Variants in GRIK4 observed in about 807,000 individuals in gnomAD.
The protein encoded by GRIK4 is glutamate ionotropic receptor kainate type subunit 4, also known as glutamate receptor ionotropic, kainate 4.
A neutral mutation model predicts 104.9 loss-of-function variants in GRIK4; 40 were observed. The ratio of observed to expected loss-of-function variants is 0.38; its 90% confidence interval spans 0.30 to 0.50. The LOEUF (loss-of-function observed/expected upper bound fraction) is 0.50. Among genes scored for constraint, GRIK4 ranks in the 20% least tolerant of loss-of-function variants. The probability of loss-of-function intolerance (pLI) is 0.93; values close to 1 mark genes in which losing one functional copy is unlikely to be tolerated. For synonymous variants in GRIK4, 485 were observed against 524.9 expected, an observed-to-expected ratio of 0.92 and a Z score of 1.04; for missense variants, 1,047 against 1,308.1, an observed-to-expected ratio of 0.80 and a Z score of 3.08.
intron 1 of GRIK4, among the ~76,000 whole-genome samples, chr11:120,598,261 C>T (rs986716984): frequency 2.0e-5 from 3 of 152,174 alleles, no homozygotes; most frequent in Non-Finnish European, 4.4e-5. Flanking sequence ...CTCACAGCAG[C>T]GTTATGAAAC....
intron 1 of GRIK4, among the ~76,000 whole-genome samples, chr11:120,641,452 A>C (rs1295441456): frequency 6.6e-6 from 1 of 151,794 alleles, no homozygotes; most frequent in Non-Finnish European, 1.5e-5. Flanking sequence ...GTATATTTAT[A>C]GTTGTTTCTT....
At chr11:120,600,331 T>A (rs1459972428) in intron 1 of GRIK4, among the ~76,000 whole-genome samples, 2 of 151,482 alleles carry the variant, frequency 1.3e-5, no homozygotes, top group East Asian at 1.9e-4. Flanking sequence ...TTTATGGGAG[T>A]TTTTCCCCCC....
chr11:120,534,917 C>T (rs533364034), intron 1 of GRIK4, among the ~76,000 whole-genome samples: 3 of 152,258 alleles, frequency 2.0e-5, no homozygotes, highest in South Asian at 4.1e-4. Context: ...CCCAGCTCTG[C>T]GGAACTTCCT....
chr11:120,675,165 G>T (rs113180745), intron 3 of GRIK4, among the ~76,000 whole-genome samples: 1 of 152,228 alleles, frequency 6.6e-6, no homozygotes, highest in Non-Finnish European at 1.5e-5. Context: ...CCCCTTTGGC[G>T]CTTTCCCTTT....
intron 3 of GRIK4, among the ~76,000 whole-genome samples, chr11:120,661,335 A>G (rs1949811474): frequency 6.6e-6 from 1 of 152,206 alleles, no homozygotes; most frequent in Non-Finnish European, 1.5e-5. Flanking sequence ...GACCCATCCA[A>G]CAGCAGGGCC....
intron 1 of GRIK4, among the ~76,000 whole-genome samples, chr11:120,554,086 AC>A (rs1948165405): frequency 6.6e-6 from 1 of 151,258 alleles, no homozygotes; most frequent in Admixed American, 6.6e-5. Flanking sequence ...ACCCACTCAC[AC>A]CCCCACCCAC....
At chr11:120,575,455 C>A (rs529003493) in intron 1 of GRIK4, among the ~76,000 whole-genome samples, 24 of 152,248 alleles carry the variant, frequency 1.6e-4, no homozygotes, top group African/African-American at 5.8e-4. Context: ...TCTTCCAGGC[C>A]TCCTCCACCC....
chr11:120,888,090 T>C (rs2135720312), intron 11 of GRIK4, among the ~76,000 whole-genome samples: 1 of 152,304 alleles, frequency 6.6e-6, no homozygotes, highest in Non-Finnish European at 1.5e-5. Flanking sequence ...TCTAAATATG[T>C]AACTCAGAAT....
At chr11:120,798,182 T>TG (rs11449868) in intron 3 of GRIK4, among the ~76,000 whole-genome samples, 2 of 141,260 alleles carry the variant, frequency 1.4e-5, no homozygotes, top group South Asian at 4.4e-4. Context: ...TTTTTTTTTT[T>TG]GGAGATGGAG....
intron 11 of GRIK4, among the ~76,000 whole-genome samples, chr11:120,885,094 A>G (rs1955080030): frequency 6.6e-6 from 1 of 152,294 alleles, no homozygotes. Context: ...AAATGAAGCC[A>G]GGCATGGCCT....
At position 120,919,517 on chromosome 11, in the gene GRIK4, T is replaced by C. The variant is rs190315004; in HGVS notation, c.1476+14024T>C. On this transcript the variant is annotated intron_variant, in intron 13 of 20. Coordinates refer to ENST00000527524, the MANE Select transcript of GRIK4 (RefSeq NM_014619.5). ...ATTCTGGGGCCCCATCTAGACCTAC[T>C]TAACCTGAAACTCTGGGGTGGGACT... 3.9e-5 allele frequency among the ~76,000 whole-genome samples: 6 copies of C among 152,310 alleles called. No homozygotes were observed. The East Asian group carries it at 1.2e-3, about 29-fold the overall frequency.
intron 3 of GRIK4, among the ~76,000 whole-genome samples, chr11:120,738,857 A>G (rs1017527561): frequency 6.6e-6 from 1 of 152,130 alleles, no homozygotes; most frequent in African/African-American, 2.4e-5. Flanking sequence ...CATCCTGGTG[A>G]GATGGGGGAG....
At chr11:120,888,146 C>T (rs533064350) in intron 11 of GRIK4, among the ~76,000 whole-genome samples, 1 of 152,304 alleles carries the variant, frequency 6.6e-6, no homozygotes, top group South Asian at 2.1e-4. Flanking sequence ...TATGGGGTCT[C>T]AGGCAGGAAC....
At chr11:120,669,141 T>C (rs1010374559) in intron 3 of GRIK4, among the ~76,000 whole-genome samples, 1 of 152,202 alleles carries the variant, frequency 6.6e-6, no homozygotes, top group Non-Finnish European at 1.5e-5. Context: ...AACTTTCCCT[T>C]CCAAAGCGTG....
chr11:120,967,162 C>T lies in GRIK4; in HGVS notation c.2267-33C>T. 6.3e-7 allele frequency: 1 copy of T among 1,596,296 alleles called. No individual in the cohort carries two copies. The highest frequency in any genetic ancestry group is 8.5e-7 in the Non-Finnish European group (1 of 1,171,224). On this transcript the variant is annotated intron_variant, in intron 18 of 20. Coordinates refer to ENST00000527524, the MANE Select transcript of GRIK4 (RefSeq NM_014619.5). The surrounding 1 kb of genome is among the most constrained non-coding windows in gnomAD (Gnocchi z 4.2). Reference sequence around the variant, plus strand: ...GTGACACCTAACAGGGCATTCACAACCTGTGTCCTGGGCTCTCCCGTAACC... The same window carrying T: ...GTGACACCTAACAGGGCATTCACAATCTGTGTCCTGGGCTCTCCCGTAACC...
At chr11:120,921,820 A>G (rs1943234314) in intron 13 of GRIK4, among the ~76,000 whole-genome samples, 1 of 152,180 alleles carries the variant, frequency 6.6e-6, no homozygotes, top group Non-Finnish European at 1.5e-5. Flanking sequence ...TCCAAGTTGC[A>G]GCGACTCCTT....
At chr11:120,796,507 C>T (rs546602460) in intron 3 of GRIK4, among the ~76,000 whole-genome samples, 3 of 152,060 alleles carry the variant, frequency 2.0e-5, no homozygotes, top group Non-Finnish European at 2.9e-5. Context: ...GGGAGTTTCT[C>T]GGGAAATCCA....
intron 1 of GRIK4, among the ~76,000 whole-genome samples, chr11:120,571,139 C>T (rs998880961): frequency 6.6e-6 from 1 of 152,206 alleles, no homozygotes; most frequent in African/African-American, 2.4e-5. Flanking sequence ...CCTGGGACTT[C>T]CCTTGGCCCC....
chr11:120,640,081 G>C (rs570879695), intron 1 of GRIK4, among the ~76,000 whole-genome samples: 1 of 152,266 alleles, frequency 6.6e-6, no homozygotes, highest in Non-Finnish European at 1.5e-5. Flanking sequence ...CCCCAAGAGA[G>C]GGTTCTTGGA....
Sources: allele counts gnomAD v4.1 joint callset (sites outside exome capture counted in the v4.1 genomes callset), GRCh38; gene constraint gnomAD v4.1.1; non-coding constraint Gnocchi (gnomAD v3.1); transcripts MANE v1.5; gene names NCBI Gene and HGNC (gene_info 2026-07-23, HGNC 2026-07-21).